The following CTNNA2 variants were observed in gnomAD, a reference collection of about 807,000 sequenced individuals.
CTNNA2 encodes catenin alpha-2.
Under a neutral mutation model 101.0 loss-of-function variants are expected in CTNNA2, and 42 were observed. That is an observed-to-expected ratio of 0.42 (90% CI 0.32 to 0.54). The LOEUF is 0.54. Ranked by LOEUF, CTNNA2 falls within the 20% of genes least tolerant of loss-of-function variation. CTNNA2 has a pLI of 0.14. For synonymous variants in CTNNA2, 450 were observed against 456.4 expected, an observed-to-expected ratio of 0.99 and a Z score of 0.18; for missense variants, 871 against 1,223.1, an observed-to-expected ratio of 0.71 and a Z score of 4.29.
intron 4 of CTNNA2, among the ~76,000 whole-genome samples, chr2:79,451,755 A>G (rs1052573254): frequency 1.3e-5 from 2 of 150,878 alleles, no homozygotes; most frequent in Admixed American, 6.6e-5. Flanking sequence ...TATTATATAT[A>G]TGTATTATAT....
At position 80,156,735 on chromosome 2, in the gene CTNNA2, C is replaced by T. The variant is rs142513214; in HGVS notation, c.1057-236476C>T. 4.9e-3 allele frequency among the ~76,000 whole-genome samples: 752 copies of T among 152,310 alleles called. 9 individuals carry two copies. The highest frequency in any genetic ancestry group is 0.017 in the African/African-American group (697 of 41,572). On this transcript the variant is annotated intron_variant, in intron 7 of 18. Coordinates refer to ENST00000402739, the MANE Select transcript of CTNNA2 (RefSeq NM_001282597.3). ...CTCAGCACAGACAGGTGGTGGGTACCACACGCATTGCTGATGAGGGGCACA... is the reference window on the plus strand; with the variant it reads ...CTCAGCACAGACAGGTGGTGGGTACTACACGCATTGCTGATGAGGGGCACA...
At chr2:80,083,499 G>T (rs1699268245) in intron 7 of CTNNA2, among the ~76,000 whole-genome samples, 2 of 151,910 alleles carry the variant, frequency 1.3e-5, no homozygotes, top group South Asian at 4.2e-4. Context: ...GATGGGCATG[G>T]GTATTCTACG....
At chr2:79,429,216 A>T (rs1475864182) in intron 4 of CTNNA2, among the ~76,000 whole-genome samples, 1 of 152,170 alleles carries the variant, frequency 6.6e-6, no homozygotes, top group Non-Finnish European at 1.5e-5. Flanking sequence ...GGATCTGTTA[A>T]GCAAAAAATA....
intron 2 of CTNNA2, among the ~76,000 whole-genome samples, chr2:79,285,329 C>T (rs1402628815): frequency 1.3e-5 from 2 of 150,292 alleles, no homozygotes; most frequent in Non-Finnish European, 3.0e-5. Context: ...TTTTCTAGTT[C>T]CTTTAATTGT....
chr2:80,172,685 G>T (rs536939375), intron 7 of CTNNA2, among the ~76,000 whole-genome samples: 4 of 152,288 alleles, frequency 2.6e-5, no homozygotes, highest in Admixed American at 2.6e-4. Context: ...CAAGGTGTTA[G>T]CTGGGTTGGT....
intron 3 of CTNNA2, among the ~76,000 whole-genome samples, chr2:79,354,106 A>G (rs938334321): frequency 7.2e-5 from 11 of 151,924 alleles, no homozygotes; most frequent in Admixed American, 5.3e-4. Context: ...TTTAAAGAAT[A>G]CTTTTTCTTT....
chr2:80,217,687 T>TA (rs1436323829), intron 7 of CTNNA2, among the ~76,000 whole-genome samples: 1 of 152,250 alleles, frequency 6.6e-6, no homozygotes, highest in Non-Finnish European at 1.5e-5. Flanking sequence ...TTTCATTTTA[T>TA]AAAAACTGTG....
chr2:80,323,636 A>G (rs1376218633), intron 7 of CTNNA2, among the ~76,000 whole-genome samples: 1 of 151,564 alleles, frequency 6.6e-6, no homozygotes, highest in Non-Finnish European at 1.5e-5. Flanking sequence ...TTTCTTAATC[A>G]CGTTCTTTGT....
At chr2:80,000,632 A>G (rs1291713619) in intron 7 of CTNNA2, among the ~76,000 whole-genome samples, 1 of 152,140 alleles carries the variant, frequency 6.6e-6, no homozygotes, top group Admixed American at 6.6e-5. Flanking sequence ...GGGGGTAAAG[A>G]GATACAACTT....
intron 7 of CTNNA2, among the ~76,000 whole-genome samples, chr2:80,052,670 A>G (rs139584336): frequency 5.0e-4 from 76 of 152,362 alleles, no homozygotes; most frequent in African/African-American, 1.8e-3. Flanking sequence ...AGGTACATTT[A>G]GTAACTGAAG....
chr2:79,226,442 T>A (rs2104230680), intron 2 of CTNNA2, among the ~76,000 whole-genome samples: 1 of 150,940 alleles, frequency 6.6e-6, no homozygotes, highest in East Asian at 2.0e-4. Context: ...GCTCAGTTAA[T>A]GTCAGTTATT....
chr2:79,477,659 G>A (rs1187569412), intron 4 of CTNNA2, among the ~76,000 whole-genome samples: 2 of 152,192 alleles, frequency 1.3e-5, no homozygotes, highest in African/African-American at 4.8e-5. Flanking sequence ...CAGAAGTCAA[G>A]AATCTGTCAA....
chr2:79,356,531 G>T (rs1677512856), intron 3 of CTNNA2, among the ~76,000 whole-genome samples: 1 of 152,102 alleles, frequency 6.6e-6, no homozygotes, highest in Admixed American at 6.5e-5. Context: ...AAAGTTAAGT[G>T]GTGTGTTTTG....
chr2:79,254,276 G>A (rs1231924172), intron 2 of CTNNA2, among the ~76,000 whole-genome samples: 2 of 152,146 alleles, frequency 1.3e-5, no homozygotes, highest in East Asian at 1.9e-4. Flanking sequence ...ATATGGTTTG[G>A]ACCTGTGTCC....
chr2:79,288,239 G>C (rs1368923174), intron 2 of CTNNA2, among the ~76,000 whole-genome samples: 3 of 152,228 alleles, frequency 2.0e-5, no homozygotes, highest in Non-Finnish European at 2.9e-5. Context: ...CTATAGACCA[G>C]AGCTGTTCCT....
chr2:79,551,133 A>G (rs1674074463), intron 1 of CTNNA2, among the ~76,000 whole-genome samples: 1 of 152,170 alleles, frequency 6.6e-6, no homozygotes, highest in South Asian at 2.1e-4. Context: ...CAAAGAAAAA[A>G]ACTGAGGTGA....
At chr2:79,834,856 T>C (rs1273209542) in intron 3 of CTNNA2, among the ~76,000 whole-genome samples, 1 of 152,160 alleles carries the variant, frequency 6.6e-6, no homozygotes, top group Non-Finnish European at 1.5e-5. Context: ...GTCTTTATCT[T>C]TGACTTTTTA....
chr2:79,743,842 C>G (rs1202328089), intron 2 of CTNNA2, among the ~76,000 whole-genome samples: 1 of 152,046 alleles, frequency 6.6e-6, no homozygotes, highest in Non-Finnish European at 1.5e-5. Flanking sequence ...CAGAAATTTA[C>G]CATTTTATTT....
At chr2:80,146,910 G>T (rs546936028) in intron 7 of CTNNA2, among the ~76,000 whole-genome samples, 1 of 146,440 alleles carries the variant, frequency 6.8e-6, no homozygotes, top group African/African-American at 2.5e-5. Context: ...CCACCACCAC[G>T]CCCTGCTAAT....
Sources: gnomAD v4.1 joint callset for allele counts (sites outside exome capture counted in the v4.1 genomes callset) on GRCh38, gnomAD v4.1.1 for gene constraint, MANE v1.5 for transcripts, NCBI Gene and HGNC (gene_info 2026-07-23, HGNC 2026-07-21) for gene names.